Variants in DNAAF1 observed in about 807,000 individuals in gnomAD.
The protein encoded by DNAAF1 is dynein assembly factor 1, axonemal.
In DNAAF1, 65 loss-of-function variants were observed where a neutral mutation model predicts 71.1. The ratio of observed to expected loss-of-function variants is 0.91; its 90% CI spans 0.75 to 1.12. The LOEUF (loss-of-function observed/expected upper bound fraction) is 1.12, where lower values mean the gene tolerates loss of function less well. Among genes scored for constraint, DNAAF1 ranks in the 50% most tolerant of loss-of-function variants. The probability of loss-of-function intolerance (pLI) is 0.00; values close to 1 mark genes in which losing one functional copy is unlikely to be tolerated. For synonymous variants in DNAAF1, 414 were observed against 354.6 expected, an observed-to-expected ratio of 1.17 and a Z score of -1.88; for missense variants, 1,178 against 899.8, an observed-to-expected ratio of 1.31 and a Z score of -3.96.
rs1400689516 is a variant in DNAAF1 at position 84,155,594 on chromosome 16, G to A, written c.586G>A (p.Val196Ile). Residue 196 changes from valine to isoleucine, a missense_variant, in exon 5 of 12, where the codon GTC (valine) becomes ATC (isoleucine). Physicochemically the swap from Val to Ile is conservative, Grantham distance 29. Transcript: ENST00000378553. Reference sequence around the variant, plus strand: ...ACCTTACCTTCCAGCCTGCCTCCCAGTCCTGAACACATTGCAGATGGCCCA... The same window carrying A: ...ACCTTACCTTCCAGCCTGCCTCCCAATCCTGAACACATTGCAGATGGCCCA... ...KTIENLSCLP[V>I]LNTLQMAHNH... is the part of the protein sequence containing the mutation. The A allele has an allele frequency of 8.7e-6, 14 of 1,613,940 alleles. No homozygotes were observed. The highest frequency in any genetic ancestry group is 1.2e-5 in the Non-Finnish European group (14 of 1,179,996).
intron 1 of DNAAF1, among the ~76,000 whole-genome samples, 183 bp from the exon 2 acceptor site, chr16:84,148,824 G>A (rs1013809846): frequency 6.6e-5 from 10 of 151,232 alleles, no homozygotes; most frequent in South Asian, 2.1e-4. Flanking sequence ...ACCTGGGCTC[G>A]AGCAATCTAC....
rs886052373 is a variant in DNAAF1, at chr16:84,177,857, T to G, written c.*16T>G. 2 of 1,594,398 alleles carry G rather than the reference T, an allele frequency of 1.3e-6. No individual in the cohort carries two copies. The highest frequency in any genetic ancestry group is 1.7e-6 in the Non-Finnish European group (2 of 1,162,126). On this transcript the variant is annotated 3_prime_UTR_variant, in exon 12 of 12. Transcript: ENST00000378553. ...AGCATCATAGTTTTCCCCAGTTATA[T>G]GTAGCATAAATGGTTTAATCATAAA...
At chr16:84,156,232 G>C (rs547430321) in intron 5 of DNAAF1, among the ~76,000 whole-genome samples, 1 of 152,284 alleles carries the variant, frequency 6.6e-6, no homozygotes, top group South Asian at 2.1e-4. Flanking sequence ...CAAAGTGCTG[G>C]GATTACAGGC....
At chr16:84,166,701 A>G (rs902285763) in intron 7 of DNAAF1, among the ~76,000 whole-genome samples, 19 of 152,214 alleles carry the variant, frequency 1.2e-4, no homozygotes, top group African/African-American at 4.6e-4. Flanking sequence ...ATTTCCTCAC[A>G]ACCTGCAGAT....
chr16:84,158,607 T>A (rs1453420439), intron 5 of DNAAF1, among the ~76,000 whole-genome samples: 1 of 152,260 alleles, frequency 6.6e-6, no homozygotes, highest in Non-Finnish European at 1.5e-5. Flanking sequence ...TGACTGCTTT[T>A]AAATCCTCCC....
chr16:84,167,156 A>T (rs2088055309), intron 7 of DNAAF1, among the ~76,000 whole-genome samples: 1 of 152,190 alleles, frequency 6.6e-6, no homozygotes, highest in South Asian at 2.1e-4. Context: ...TGGCTCACAG[A>T]ACTCCAGAGA....
intron 8 of DNAAF1, among the ~76,000 whole-genome samples, chr16:84,170,978 T>G (rs1226499498): frequency 6.6e-6 from 1 of 152,208 alleles, no homozygotes; most frequent in Non-Finnish European, 1.5e-5. Flanking sequence ...GTGAGCTATT[T>G]TACTTTTTTC....
intron 11 of DNAAF1, chr16:84,176,680 C>G (rs2088687955): frequency 5.7e-6 from 2 of 350,292 alleles, no homozygotes; most frequent in African/African-American, 4.2e-5. Context: ...TGGAGGGGAC[C>G]ACCAACACCA....
chr16:84,173,147 G>T lies in DNAAF1; in HGVS notation c.1644+772G>T, dbSNP rs1032587057. 4.1e-6 allele frequency: 4 copies of T among 985,874 alleles called. No individual in the cohort carries two copies. In the African/African-American group the frequency reaches 7.0e-5, roughly 17 times the overall value. 61.1% of individuals were successfully genotyped at this position (985,874 alleles called of 1,614,324 possible). A position where few individuals can be genotyped will look rare whatever the true frequency, so the allele number is the denominator to read the frequency against. ...TGGTGTTTCTAATGTTCAAACTTCA[G>T]AATTTCACATGGCCCAGTAGGAGTT... On this transcript the variant is annotated intron_variant, in intron 9 of 11. Transcript: ENST00000378553.
At chr16:84,150,456 A>G in intron 3 of DNAAF1, 114 bp downstream of exon 3, 1 of 836,132 alleles carries the variant, frequency 1.2e-6, no homozygotes, top group Non-Finnish European at 2.0e-6. Flanking sequence ...TAAGCAGGAA[A>G]TTTCAAAGTT....
At chr16:84,149,830 G>C in intron 2 of DNAAF1, among the ~76,000 whole-genome samples, 1 of 151,800 alleles carries the variant, frequency 6.6e-6, no homozygotes, top group Non-Finnish European at 1.5e-5. Context: ...TTCAAGACCA[G>C]CCTGACCAAC....
At chr16:84,159,936 A>C (rs976423535) in intron 6 of DNAAF1, 140 bp downstream of exon 6, 2 of 909,426 alleles carry the variant, frequency 2.2e-6, no homozygotes, top group Non-Finnish European at 3.3e-6. Flanking sequence ...ATGGCTACAT[A>C]ATTGACTATA....
In DNAAF1 at chr16:84,170,015, G is replaced by T. The variant is rs149958269; in HGVS notation, c.1187G>T (p.Gly396Val). Reference sequence around the variant, plus strand: ...GAGCTCTGCCCGGAAAAGCCAAGTGGAGAGGAGCCGCCTGTGGAGGCTAAA... The same window carrying T: ...GAGCTCTGCCCGGAAAAGCCAAGTGTAGAGGAGCCGCCTGTGGAGGCTAAA... Reference protein sequence around the residue: ...KDELCPEKPSGEEPPVEAKRE... With the variant: ...KDELCPEKPSVEEPPVEAKRE... The change falls in exon 8 of 12, where the codon GGA (glycine) becomes GTA (valine). Residue 396 changes from glycine (G) to valine (V), a missense_variant. Physicochemically the swap from Gly to Val is moderately radical, Grantham distance 109 (BLOSUM62 -3). Transcript: ENST00000378553. The T allele has an allele frequency of 4.8e-4, 777 of 1,613,878 alleles. No homozygotes were observed. The highest frequency in any genetic ancestry group is 6.2e-4 in the Non-Finnish European group (732 of 1,180,022).
At chr16:84,161,454 C>G (rs1314880637) in intron 6 of DNAAF1, among the ~76,000 whole-genome samples, 1 of 152,148 alleles carries the variant, frequency 6.6e-6, no homozygotes, top group Non-Finnish European at 1.5e-5. Context: ...GGTGCAATCA[C>G]TGCAGCTTCA....
chr16:84,160,746 A>G (rs563847099), intron 6 of DNAAF1, among the ~76,000 whole-genome samples: 1 of 152,058 alleles, frequency 6.6e-6, no homozygotes, highest in South Asian at 2.1e-4. Flanking sequence ...CACCCTGGCT[A>G]ACACGGTGAA....
chr16:84,158,923 G>A, intron 5 of DNAAF1: 1 of 504,304 alleles, frequency 2.0e-6, no homozygotes, highest in African/African-American at 2.1e-5. Flanking sequence ...TAGAGATGGG[G>A]TTTCACCATG....
intron 5 of DNAAF1, among the ~76,000 whole-genome samples, chr16:84,158,003 C>T (rs561180527): frequency 2.0e-5 from 3 of 152,038 alleles, no homozygotes; most frequent in Non-Finnish European, 2.9e-5. Context: ...GTCGGGAGAT[C>T]GAGACCTTCC....
At chr16:84,173,456 T>G (rs2088484041) in intron 9 of DNAAF1, 1 of 978,420 alleles carries the variant, frequency 1.0e-6, no homozygotes, top group African/African-American at 1.8e-5. Context: ...AGAGCGAGAC[T>G]CCATCTCAAA....
At position 84,155,755 on chromosome 16, in the gene DNAAF1, A is replaced by C; in HGVS notation, c.741+6A>C. ...TGGAAAGCATGCCCGATTTGGTAAAAAACAAAAACAAAAACAACGAAAAAG... is the reference window on the plus strand; with the variant it reads ...TGGAAAGCATGCCCGATTTGGTAAACAACAAAAACAAAAACAACGAAAAAG... On this transcript the variant is annotated splice_donor_region_variant and intron_variant, in intron 5 of 11. Transcript: ENST00000378553. 1 of 1,613,880 alleles carries C rather than the reference A, an allele frequency of 6.2e-7. No individual in the cohort carries two copies. The highest frequency in any genetic ancestry group is 1.1e-5 in the South Asian group (1 of 91,066).
Sources: gnomAD v4.1 joint callset for allele counts (sites outside exome capture counted in the v4.1 genomes callset) on GRCh38, gnomAD v4.1.1 for gene constraint, MANE v1.5 for transcripts, NCBI Gene and HGNC (gene_info 2026-07-23, HGNC 2026-07-21) for gene names.